The following BBS2 variants were observed in gnomAD, a reference collection of about 807,000 sequenced individuals.
BBS2 encodes the protein Bardet-Biedl syndrome 2, also known as BBSome complex member BBS2.
Under a neutral mutation model 83.0 loss-of-function variants are expected in BBS2, and 62 were observed. The observed-to-expected ratio is 0.75, with a 90% CI of 0.61 to 0.92. The LOEUF (loss-of-function observed/expected upper bound fraction) is 0.92, where lower values mean the gene tolerates loss of function less well. BBS2 is among the 40% of genes least tolerant of loss of function. The probability of loss-of-function intolerance (pLI) is 0.00; values close to 1 mark genes in which losing one functional copy is unlikely to be tolerated. For missense variants in BBS2, 784 were observed against 901.0 expected (o/e 0.87, Z 1.66); for synonymous variants, 303 against 326.1 (o/e 0.93, Z 0.76).
chr16:56,470,895 C>T (rs1294577746), intron 17 of BBS2: 1 of 1,200,780 alleles, frequency 8.3e-7, no homozygotes, highest in East Asian at 2.6e-5. Flanking sequence ...TGCCCTAAGC[C>T]CTATTTCAGG....
intron 17 of BBS2, among the ~76,000 whole-genome samples, chr16:56,473,206 A>G (rs1385785552): frequency 1.3e-5 from 2 of 152,218 alleles, no homozygotes; most frequent in Non-Finnish European, 2.9e-5. Flanking sequence ...CTGGGATTAC[A>G]GGAGTGAGCC....
intron 17 of BBS2, among the ~76,000 whole-genome samples, chr16:56,475,874 G>A (rs753076344): frequency 2.6e-5 from 4 of 152,168 alleles, no homozygotes; most frequent in Non-Finnish European, 5.9e-5. Context: ...GCTGGAATAG[G>A]GCTTGTTGGA....
At chr16:56,500,064 A>G (rs1964220941) in intron 11 of BBS2, 157 bp from the exon 12 acceptor site, 1 of 761,610 alleles carries the variant, frequency 1.3e-6, no homozygotes, top group Non-Finnish European at 2.2e-6. Context: ...TTAAAGTACT[A>G]CAGTAATATA....
At chr16:56,500,325 A>G (rs1597014690) in intron 11 of BBS2, 1 of 262,288 alleles carries the variant, frequency 3.8e-6, no homozygotes, top group Non-Finnish European at 7.4e-6. Flanking sequence ...CCTGACTAAA[A>G]ACAGAAAATA....
intron 17 of BBS2, chr16:56,476,233 G>A (rs1418983397): frequency 6.3e-7 from 1 of 1,595,854 alleles, no homozygotes. Flanking sequence ...GAACAAAAAT[G>A]TGACCCTTCG....
In BBS2 at chr16:56,488,261, C is replaced by T. The variant is rs530514905; in HGVS notation, c.1911-2523G>A. On this transcript the variant is annotated intron_variant, in intron 15 of 16. Transcript: ENST00000245157. Reference sequence around the variant, plus strand: ...AGCTGGGTGTCCTCCAATTCCGTTCCGACACGATTCCCCCGGAGACACTGT... The same window carrying T: ...AGCTGGGTGTCCTCCAATTCCGTTCTGACACGATTCCCCCGGAGACACTGT... Among the ~76,000 whole-genome samples, 6 of 152,176 alleles carry T rather than the reference C, an allele frequency of 3.9e-5. No homozygotes were observed. In the South Asian group the frequency reaches 8.3e-4, roughly 21 times the overall value.
chr16:56,475,564 AG>A, intron 17 of BBS2: 2 of 1,613,504 alleles, frequency 1.2e-6, no homozygotes. Context: ...GAAGATGAAG[AG>A]GTAAGTTTCT....
intron 1 of BBS2, among the ~76,000 whole-genome samples, chr16:56,515,901 G>A (rs979521309): frequency 6.6e-6 from 1 of 152,298 alleles, no homozygotes; most frequent in East Asian, 1.9e-4. Flanking sequence ...GCTAAGACAA[G>A]AGCCTGGTGT....
At chr16:56,501,962 G>A (rs1683071353) in intron 9 of BBS2, 3 of 383,042 alleles carry the variant, frequency 7.8e-6, no homozygotes, top group Admixed American at 7.8e-5. Flanking sequence ...CACTTGGTAA[G>A]ACGACAGATA....
chr16:56,477,504 TTC>T (rs1963536468), intron 17 of BBS2: 1 of 152,266 alleles, frequency 6.6e-6, no homozygotes, highest in African/African-American at 2.4e-5. Flanking sequence ...CACGTGTTGC[TTC>T]TGTTTTCCTA....
intron 17 of BBS2, among the ~76,000 whole-genome samples, chr16:56,471,093 T>C (rs938446822): frequency 6.6e-6 from 1 of 151,958 alleles, no homozygotes; most frequent in Non-Finnish European, 1.5e-5. Flanking sequence ...GGCTTACACC[T>C]ATAATCCCAG....
intron 5 of BBS2, among the ~76,000 whole-genome samples, chr16:56,507,164 T>C (rs551469314): frequency 3.3e-5 from 5 of 152,348 alleles, no homozygotes; most frequent in South Asian, 4.1e-4. Context: ...ATGATTTTGC[T>C]GATCTGGGAA....
downstream of BBS2, among the ~76,000 whole-genome samples, chr16:56,480,355 AAAAAAAAAAAC>A (rs1210453671): frequency 2.1e-5 from 2 of 94,206 alleles, no homozygotes; most frequent in Non-Finnish European, 5.2e-5. Flanking sequence ...ACACACACAA[AAAAAAAAAAAC>A]AAAAAAAAAA....
At chr16:56,488,572 T>A (rs1963853022) in intron 15 of BBS2, among the ~76,000 whole-genome samples, 1 of 152,030 alleles carries the variant, frequency 6.6e-6, no homozygotes, top group Non-Finnish European at 1.5e-5. Flanking sequence ...CCTAGGTGCA[T>A]CAACCTTCAG....
intron 17 of BBS2, chr16:56,476,367 A>C: frequency 1.9e-6 from 1 of 524,994 alleles, no homozygotes; most frequent in Non-Finnish European, 3.2e-6. Context: ...TCCTCAACCG[A>C]GACCTTGAGC....
intron 17 of BBS2, among the ~76,000 whole-genome samples, chr16:56,474,306 TCAAA>T (rs1401128569): frequency 6.6e-6 from 1 of 150,632 alleles, no homozygotes; most frequent in East Asian, 1.9e-4. Flanking sequence ...TAGAGAGAAA[TCAAA>T]ATTCAACTTT....
chr16:56,518,291 A>G (rs2144207438), intron 1 of BBS2, among the ~76,000 whole-genome samples: 1 of 152,368 alleles, frequency 6.6e-6, no homozygotes, highest in South Asian at 2.1e-4. Flanking sequence ...ATAAATTGTT[A>G]CACAAATCCT....
chr16:56,510,747 G>C (rs771091872), intron 4 of BBS2, 112 bp downstream of exon 4: 4 of 1,126,710 alleles, frequency 3.6e-6, no homozygotes, highest in Non-Finnish European at 5.4e-6. Flanking sequence ...TTAGGCAACA[G>C]AGCACCAAAA....
At chr16:56,519,716 C>G (rs761570287) in intron 1 of BBS2, 30 bp downstream of exon 1, 1 of 1,562,116 alleles carries the variant, frequency 6.4e-7, no homozygotes, top group Admixed American at 1.7e-5. Flanking sequence ...TTCCCTGGGG[C>G]CCGGGCTCCC....
Sources: allele counts gnomAD v4.1 joint callset (sites outside exome capture counted in the v4.1 genomes callset), GRCh38; gene constraint gnomAD v4.1.1; transcripts MANE v1.5; gene names NCBI Gene and HGNC (gene_info 2026-07-23, HGNC 2026-07-21).